The following EPN3 variants were observed in gnomAD, a reference collection of about 807,000 sequenced individuals.
EPN3 encodes epsin-3.
A neutral mutation model predicts 55.5 loss-of-function variants in EPN3; 56 were observed. That is an observed-to-expected ratio of 1.01 (90% confidence interval 0.81 to 1.26). The LOEUF is 1.26. Among genes scored for constraint, EPN3 ranks in the 50% most tolerant of loss-of-function variants. The pLI, the probability that EPN3 is intolerant of heterozygous loss-of-function variation, is 0.00. For synonymous variants in EPN3, 449 were observed against 375.2 expected, an observed-to-expected ratio of 1.20 and a Z score of -2.27; for missense variants, 927 against 853.4, an observed-to-expected ratio of 1.09 and a Z score of -1.07.
chr17:50,535,974 C>T (rs570511900), intron 1 of EPN3: 5 of 154,008 alleles, frequency 3.2e-5, no homozygotes, highest in African/African-American at 1.2e-4. Flanking sequence ...CTGGGGTCAT[C>T]TTGGTTCCCC....
Position 50,542,240 on chromosome 17 carries a change from C to G in EPN3, c.*83C>G. 1 of 1,361,212 alleles carries G rather than the reference C, an allele frequency of 7.3e-7. No homozygotes were observed. Among genetic ancestry groups the G allele is most frequent in the Non-Finnish European group, 9.5e-7 (1 of 1,057,640 alleles). The allele number at this position is 1,361,212 out of a possible 1,614,324, so 84.3% of individuals were successfully genotyped here. ...CCGGACCCGGGGCTGGGCGGGGCGC[C>G]GGTGCTAGTGGAACGCCGAGCCAGT... is the stretch of plus-strand genomic sequence containing the variant. On this transcript the variant is annotated 3_prime_UTR_variant, in exon 10 of 10. Transcript: ENST00000268933.
rs1215201062 is a variant in EPN3 at position 50,532,949 on chromosome 17, CGGGCTG to C, written c.-162_-157del. On this transcript the variant is annotated 5_prime_UTR_variant, in exon 1 of 10. Transcript: ENST00000268933. ...TCGGAGGGTCACCGCAGAGGCTACTCGGGCTGGGGCTGGGGCCGAGGGAGCCCGCAC... is the reference window on the plus strand; with the variant it reads ...TCGGAGGGTCACCGCAGAGGCTACTCGGGCTGGGGCCGAGGGAGCCCGCAC... 1.6e-5 allele frequency: 21 copies of C among 1,285,648 alleles called. No homozygotes were observed. Among genetic ancestry groups the C allele is most frequent in the Non-Finnish European group, 1.6e-5 (16 of 987,446 alleles). 79.6% of individuals were successfully genotyped at this position (1,285,648 alleles called of 1,614,324 possible).
intron 1 of EPN3, among the ~76,000 whole-genome samples, chr17:50,535,292 C>A (rs1476227037): frequency 6.6e-6 from 1 of 152,192 alleles, no homozygotes; most frequent in East Asian, 1.9e-4. Context: ...AACTGGGTAA[C>A]ACTGACAATA....
chr17:50,541,375 G>A, intron 8 of EPN3, 42 bp downstream of exon 8: 2 of 1,607,006 alleles, frequency 1.2e-6, no homozygotes, highest in Non-Finnish European at 1.7e-6. Context: ...GGGAATGAGG[G>A]GCCCACCCCG....
In EPN3 at chr17:50,536,977, C is replaced by A. The variant is rs375102145; in HGVS notation, c.421C>A (p.Arg141=). 5 of 1,613,676 alleles carry A rather than the reference C, an allele frequency of 3.1e-6. No homozygotes were observed. The highest frequency in any genetic ancestry group is 1.6e-4 in the Middle Eastern group (1 of 6,084). Residue 141 remains arginine (R), a synonymous_variant, in exon 2 of 10, where the codon CGG becomes AGG. Transcript: ENST00000268933. The part of the protein sequence containing the change: ...MALLKDEERL[R]QERTHALKTK... ...CCTGCTCAAGGATGAGGAGCGGCTG[C>A]GGCAGGAGCGAACCCACGCCCTCAA...
Position 50,532,864 on chromosome 17 carries a change from G to A in EPN3, c.-258G>A, listed in dbSNP as rs1271501372. On this transcript the variant is annotated 5_prime_UTR_variant, in exon 1 of 10. Transcript: ENST00000268933. ...GAGCAGGTGGGTCTCTGGGACGAGG[G>A]TCCATGGTGGATGGCTCTGGAGACG... The A allele has an allele frequency of 5.4e-6, 7 of 1,285,136 alleles. No individual in the cohort carries two copies. In the African/African-American group the frequency reaches 6.1e-5, roughly 11 times the overall value. The allele number at this position is 1,285,136 out of a possible 1,614,324, so 79.6% of individuals were successfully genotyped here.
At position 50,536,676 on chromosome 17, in the gene EPN3, G is replaced by C; in HGVS notation, c.120G>C (p.Met40Ile). The change falls in exon 2 of 10, where the codon ATG becomes ATC. Residue 40 changes from methionine (M) to isoleucine (I), a missense_variant. By Grantham distance (10) the Met-to-Ile change is conservative. Transcript: ENST00000268933. ...NDPWGPPSSLMSEIADLTFNT... is the reference protein window; with the variant it reads ...NDPWGPPSSLISEIADLTFNT... ...CCTGGGGCCCCCCTAGTTCGCTCAT[G>C]TCCGAGATCGCTGACCTGACCTTCA... 6.2e-7 allele frequency: 1 copy of C among 1,614,146 alleles called. No homozygotes were observed. The highest frequency in any genetic ancestry group is 8.5e-7 in the Non-Finnish European group (1 of 1,180,030).
intron 1 of EPN3, among the ~76,000 whole-genome samples, chr17:50,534,041 C>G (rs2034721103): frequency 6.6e-6 from 1 of 152,224 alleles, no homozygotes; most frequent in African/African-American, 2.4e-5. Context: ...CTCCCAGCTG[C>G]TCCCTCCCGC....
chr17:50,541,059 C>T lies in EPN3; in HGVS notation c.1246C>T (p.Pro416Ser). The change falls in exon 7 of 10, where the codon CCT becomes TCT. Residue 416 changes from proline to serine, a missense_variant. Coordinates refer to ENST00000268933, the MANE Select transcript of EPN3 (RefSeq NM_017957.3). The stretch of plus-strand genomic sequence containing the variant: ...AGCCTCCCTGGAGACCTCCGACACA[C>T]CTGGTAAGAAGAGGGCCAGAGAGTG... ...WGASLETSDT[P>S]GGASTFDPFA... The T allele has an allele frequency of 9.5e-6, 15 of 1,576,098 alleles. No homozygotes were observed. The highest frequency in any genetic ancestry group is 1.3e-5 in the Non-Finnish European group (15 of 1,162,198).
chr17:50,539,153 C>T, intron 4 of EPN3, 34 bp from the exon 5 acceptor site: 1 of 1,612,414 alleles, frequency 6.2e-7, no homozygotes, highest in Non-Finnish European at 8.5e-7. Flanking sequence ...GCCTGAGCTG[C>T]TCATGCTCCT....
In EPN3 at chr17:50,543,526, A is replaced by C. The variant is rs990959099; in HGVS notation, c.*1369A>C. 1 of 152,194 alleles carries C rather than the reference A, an allele frequency of 6.6e-6. No homozygotes were observed. The highest frequency in any genetic ancestry group is 1.5e-5 in the Non-Finnish European group (1 of 68,038). 9.4% of individuals were successfully genotyped at this position (152,194 alleles called of 1,614,324 possible). Reference sequence around the variant, plus strand: ...CCCTTTCAGGGACAAATGGCCTTCCACCAGAGTCGGTGAGTGGAGAGGCAC... The same window carrying C: ...CCCTTTCAGGGACAAATGGCCTTCCCCCAGAGTCGGTGAGTGGAGAGGCAC... On this transcript the variant is annotated 3_prime_UTR_variant, in exon 10 of 10. Transcript: ENST00000268933.
At position 50,541,278 on chromosome 17, in the gene EPN3, G is replaced by A; in HGVS notation, c.1299G>A (p.Glu433=). The A allele has an allele frequency of 6.2e-7, 1 of 1,613,536 alleles. No individual in the cohort carries two copies. The highest frequency in any genetic ancestry group is 8.5e-7 in the Non-Finnish European group (1 of 1,180,016). Residue 433 remains glutamate, a synonymous_variant, in exon 8 of 10, where the codon GAG becomes GAA. Coordinates refer to ENST00000268933, the MANE Select transcript of EPN3 (RefSeq NM_017957.3). ...TTGCCAAACCTCCAGAATCCACAGAGACCAAGGAGGGGCTGGAGCAGGCCC... is the reference window on the plus strand; with the variant it reads ...TTGCCAAACCTCCAGAATCCACAGAAACCAAGGAGGGGCTGGAGCAGGCCC... The part of the protein sequence containing the change: ...DPFAKPPEST[E]TKEGLEQALP...
intron 1 of EPN3, 105 bp from the exon 2 acceptor site, chr17:50,536,316 C>A: frequency 1.1e-6 from 1 of 924,444 alleles, no homozygotes; most frequent in Non-Finnish European, 1.5e-6. Flanking sequence ...GAAGGCTGTC[C>A]CTGGAGGCAG....
chr17:50,534,791 C>A, intron 1 of EPN3: 1 of 409,156 alleles, frequency 2.4e-6, no homozygotes, highest in Non-Finnish European at 3.3e-6. Flanking sequence ...ACTGGCGGGG[C>A]TGGGGTGGAA....
chr17:50,532,986 G>A lies in EPN3; in HGVS notation c.-137+1G>A. On this transcript the variant is annotated splice_donor_variant, in intron 1 of 9. Coordinates refer to ENST00000268933, the MANE Select transcript of EPN3 (RefSeq NM_017957.3). LOFTEE classifies it low-confidence loss of function (5UTR_SPLICE). ...GGGGCCGAGGGAGCCCGCACTGGAG[G>A]TAAGCTTCCTCCCTGGCCCCCTCCC... is the stretch of plus-strand genomic sequence containing the variant. 2 of 1,283,954 alleles carry A rather than the reference G, an allele frequency of 1.6e-6. No individual in the cohort carries two copies. The highest frequency in any genetic ancestry group is 1.0e-6 in the Non-Finnish European group (1 of 985,994). 79.5% of individuals were successfully genotyped at this position (1,283,954 alleles called of 1,614,324 possible).
chr17:50,533,292 T>C (rs772823067), intron 1 of EPN3, among the ~76,000 whole-genome samples: 3 of 152,148 alleles, frequency 2.0e-5, no homozygotes, highest in Non-Finnish European at 4.4e-5. Flanking sequence ...CAGCCCCTCA[T>C]GCACACCTCT....
At chr17:50,538,542 T>C (rs1283017230) in intron 3 of EPN3, 1 of 366,182 alleles carries the variant, frequency 2.7e-6, no homozygotes, top group Non-Finnish European at 4.9e-6. Context: ...CCAGCTATCC[T>C]TTTGGGGAGA....
intron 2 of EPN3, chr17:50,537,835 C>T: frequency 2.2e-6 from 1 of 460,784 alleles, no homozygotes; most frequent in Non-Finnish European, 3.8e-6. Context: ...CTTCAGGAAC[C>T]TGGTCAGGGG....
In EPN3 at chr17:50,542,060, A is replaced by C. The variant is rs1438970387; in HGVS notation, c.1802A>C (p.Gln601Pro). 6.3e-7 allele frequency: 1 copy of C among 1,590,426 alleles called. No individual in the cohort carries two copies. The highest frequency in any genetic ancestry group is 1.7e-5 in the Admixed American group (1 of 59,530). Residue 601 changes from glutamine to proline, a missense_variant, in exon 10 of 10, where the codon CAG (glutamine) becomes CCG (proline). Gln to Pro is a moderately conservative substitution (Grantham distance 76). Transcript: ENST00000268933. ...TLPASVSVFP[Q>P]AGAFAPQPLL... ...CCCGCCTCGGTTAGCGTCTTCCCGC[A>C]GGCCGGAGCCTTCGCACCGCAGCCG...
Sources: gnomAD v4.1 joint callset for allele counts (sites outside exome capture counted in the v4.1 genomes callset) on GRCh38, gnomAD v4.1.1 for gene constraint, MANE v1.5 for transcripts, NCBI Gene and HGNC (gene_info 2026-07-23, HGNC 2026-07-21) for gene names.